The following TRAPPC9 variants were observed in gnomAD, a reference collection of about 807,000 sequenced individuals.
The protein encoded by TRAPPC9 is IKK2 binding protein.
TRAPPC9 carries 83 observed loss-of-function variants against 124.0 expected under a neutral mutation model. The observed-to-expected ratio is 0.67, with a 90% confidence interval of 0.56 to 0.80. TRAPPC9 has a LOEUF of 0.80. Among genes scored for constraint, TRAPPC9 ranks in the 30% least tolerant of loss-of-function variants. The pLI is 0.00. For synonymous variants in TRAPPC9, 638 were observed against 617.5 expected (o/e 1.03, Z -0.49); for missense variants, 1,302 against 1,508.3 (o/e 0.86, Z 2.27).
intron 15 of TRAPPC9, among the ~76,000 whole-genome samples, chr8:140,258,600 C>A (rs2064325611): frequency 6.6e-6 from 1 of 152,240 alleles, no homozygotes; most frequent in African/African-American, 2.4e-5. Context: ...GCTTTCCCTT[C>A]CAAACCATTT....
intron 9 of TRAPPC9, among the ~76,000 whole-genome samples, chr8:140,320,734 T>C (rs1009097971): frequency 1.2e-4 from 19 of 152,208 alleles, no homozygotes; most frequent in African/African-American, 3.6e-4. Flanking sequence ...GTTATCCCCA[T>C]TTTATTACTG....
At chr8:139,953,907 GC>G (rs1834818205) in intron 19 of TRAPPC9, among the ~76,000 whole-genome samples, 1 of 152,118 alleles carries the variant, frequency 6.6e-6, no homozygotes, top group Non-Finnish European at 1.5e-5. Flanking sequence ...TGTTAGAATG[GC>G]TAAAATGAAA....
At chr8:140,419,167 G>A (rs370215685) in intron 5 of TRAPPC9, among the ~76,000 whole-genome samples, 2 of 151,966 alleles carry the variant, frequency 1.3e-5, no homozygotes, top group Admixed American at 1.3e-4. Flanking sequence ...GGTGACTCGC[G>A]CCTGTAATCC....
chr8:140,425,631 T>C (rs1435031160), intron 5 of TRAPPC9, among the ~76,000 whole-genome samples: 1 of 152,232 alleles, frequency 6.6e-6, no homozygotes, highest in Non-Finnish European at 1.5e-5. Flanking sequence ...TGCAATTCAG[T>C]ATTTTATAGC....
chr8:139,909,905 A>T (rs980480248), intron 20 of TRAPPC9, among the ~76,000 whole-genome samples: 3 of 152,224 alleles, frequency 2.0e-5, no homozygotes, highest in African/African-American at 7.2e-5. Context: ...TCCAAAGACG[A>T]GAGCACCACC....
intron 17 of TRAPPC9, among the ~76,000 whole-genome samples, chr8:140,156,285 G>A (rs908164423): frequency 1.3e-5 from 2 of 152,166 alleles, no homozygotes; most frequent in African/African-American, 4.8e-5. Context: ...AGCATTCAAT[G>A]CAACCTGGAC....
At chr8:139,793,697 C>T (rs1285515066) in intron 21 of TRAPPC9, among the ~76,000 whole-genome samples, 1 of 152,218 alleles carries the variant, frequency 6.6e-6, no homozygotes, top group Non-Finnish European at 1.5e-5. Context: ...GGTTCAGAGG[C>T]TGTGGCTGTT....
intron 21 of TRAPPC9, among the ~76,000 whole-genome samples, chr8:139,823,929 G>T (rs1218436908): frequency 6.6e-6 from 1 of 152,256 alleles, no homozygotes; most frequent in Non-Finnish European, 1.5e-5. Flanking sequence ...CTTGGAGAGA[G>T]AGTTGAAAGG....
chr8:140,204,187 C>A (rs960787265), intron 17 of TRAPPC9, among the ~76,000 whole-genome samples: 1 of 152,022 alleles, frequency 6.6e-6, no homozygotes, highest in African/African-American at 2.4e-5. Flanking sequence ...AAGAGCCTGC[C>A]ATCCTATTCA....
chr8:140,195,772 C>T (rs1349297192), intron 17 of TRAPPC9, among the ~76,000 whole-genome samples: 11 of 151,764 alleles, frequency 7.2e-5, no homozygotes, highest in Non-Finnish European at 1.3e-4. Context: ...GCACCTGTGA[C>T]ACTAAAACAC....
At chr8:140,207,227 G>A (rs1231715772) in intron 17 of TRAPPC9, among the ~76,000 whole-genome samples, 2 of 152,210 alleles carry the variant, frequency 1.3e-5, no homozygotes, top group Non-Finnish European at 2.9e-5. Flanking sequence ...AACAAAGCGG[G>A]TAAAAAGCTG....
At chr8:140,283,786 T>A in intron 14 of TRAPPC9, 103 bp downstream of exon 14, 8 of 1,248,002 alleles carry the variant, frequency 6.4e-6, no homozygotes, top group South Asian at 3.7e-5. Flanking sequence ...TATATTCTGG[T>A]CATAAGAATT....
chr8:140,395,486 C>A (rs1355646883), intron 7 of TRAPPC9, among the ~76,000 whole-genome samples: 1 of 152,148 alleles, frequency 6.6e-6, no homozygotes, highest in Non-Finnish European at 1.5e-5. Context: ...TCTGTGTGCT[C>A]AACTCTCATG....
At chr8:140,113,025 A>G (rs971057880) in intron 17 of TRAPPC9, among the ~76,000 whole-genome samples, 1 of 152,046 alleles carries the variant, frequency 6.6e-6, no homozygotes, top group African/African-American at 2.4e-5. Context: ...TTTTCTTGAC[A>G]TCAAAAAAAA....
At chr8:140,187,526 CA>C (rs2062379897) in intron 17 of TRAPPC9, among the ~76,000 whole-genome samples, 1 of 152,180 alleles carries the variant, frequency 6.6e-6, no homozygotes, top group Non-Finnish European at 1.5e-5. Flanking sequence ...GAAAAAATTC[CA>C]GTTCTTCACT....
chr8:139,834,348 C>T (rs144680185), intron 21 of TRAPPC9, among the ~76,000 whole-genome samples: 107 of 152,340 alleles, frequency 7.0e-4, no homozygotes, highest in African/African-American at 2.3e-3. Flanking sequence ...GAAGGCTCCA[C>T]GGACCATAGA....
In TRAPPC9 at chr8:140,250,652, T is replaced by C. The variant is rs562126039; in HGVS notation, c.2431+2125A>G. ...CTGGGTGGTTCTTCGTGCCTACCTTTTCCTCCATAAAACTTGACCTGGTTT... is the reference window on the plus strand; with the variant it reads ...CTGGGTGGTTCTTCGTGCCTACCTTCTCCTCCATAAAACTTGACCTGGTTT... On this transcript the variant is annotated intron_variant, in intron 16 of 22. Coordinates refer to ENST00000438773, the MANE Select transcript of TRAPPC9 (RefSeq NM_001160372.4). 2.6e-5 allele frequency among the ~76,000 whole-genome samples: 4 copies of C among 152,322 alleles called. No homozygotes were observed. The East Asian group carries it at 7.7e-4, about 29-fold the overall frequency.
chr8:139,956,630 A>G (rs1835006704), intron 19 of TRAPPC9, among the ~76,000 whole-genome samples: 1 of 152,232 alleles, frequency 6.6e-6, no homozygotes, highest in African/African-American at 2.4e-5. Flanking sequence ...CTGATTGACA[A>G]GAAACAAAGA....
chr8:139,818,980 G>A (rs1825059753), intron 21 of TRAPPC9, among the ~76,000 whole-genome samples: 1 of 152,218 alleles, frequency 6.6e-6, no homozygotes, highest in African/African-American at 2.4e-5. Context: ...CAACCCCCTG[G>A]CCACAGACTG....
Sources: allele counts gnomAD v4.1 joint callset (sites outside exome capture counted in the v4.1 genomes callset), GRCh38; gene constraint gnomAD v4.1.1; transcripts MANE v1.5; gene names NCBI Gene and HGNC (gene_info 2026-07-23, HGNC 2026-07-21).